NBEA: variants seen among roughly 807,000 people sequenced by gnomAD.
The protein encoded by NBEA is neurobeachin, also known as lysosomal-trafficking regulator 2.
NBEA carries 44 observed loss-of-function variants against 343.4 expected under a neutral mutation model. The ratio of observed to expected loss-of-function variants is 0.13; its 90% CI spans 0.10 to 0.16. The LOEUF (loss-of-function observed/expected upper bound fraction) is 0.16. Among genes scored for constraint, NBEA ranks in the 10% least tolerant of loss-of-function variants. NBEA has a pLI of 1.00. For synonymous variants in NBEA, 1,175 were observed against 1,238.7 expected, an observed-to-expected ratio of 0.95 and a Z score of 1.08; for missense variants, 2,555 against 3,631.3, an observed-to-expected ratio of 0.70 and a Z score of 7.62.
Position 35,354,596 on chromosome 13 carries a change from A to G in NBEA, c.6179+2273A>G, listed in dbSNP as rs1209499539. 2.0e-4 allele frequency among the ~76,000 whole-genome samples: 30 copies of G among 151,404 alleles called. No homozygotes were observed. The Admixed American group carries it at 2.0e-3, about 10-fold the overall frequency. Reference sequence around the variant, plus strand: ...CCTTGCACATTAGTTTCTACTGCCAACTATCTGAAAAAAAAACCACAATAT... The same window carrying G: ...CCTTGCACATTAGTTTCTACTGCCAGCTATCTGAAAAAAAAACCACAATAT... On this transcript the variant is annotated intron_variant, in intron 38 of 58. Coordinates refer to ENST00000379939, the MANE Select transcript of NBEA (RefSeq NM_001385012.1).
At chr13:35,611,220 G>A (rs1593362784) in intron 48 of NBEA, among the ~76,000 whole-genome samples, 1 of 152,032 alleles carries the variant, frequency 6.6e-6, no homozygotes, top group Non-Finnish European at 1.5e-5. Context: ...ACTTATACAA[G>A]TACATCAATG....
rs1594807520 is a variant in NBEA, at chr13:35,496,654, TAGAAA to T, written c.6585+24130_6585+24134del. Among the ~76,000 whole-genome samples, 12 of 144,382 alleles carry T rather than the reference TAGAAA, an allele frequency of 8.3e-5. No homozygotes were observed. The East Asian group carries it at 2.1e-3, about 25-fold the overall frequency. The allele number at this position is 144,382 out of a possible 152,430, so 94.7% of individuals were successfully genotyped here. ...GTCAAAAAAAAAAAAAAAAAAAGAA[TAGAAA>T]AGAAAAGAAAAAGAAAAGTCAAACA... On this transcript the variant is annotated intron_variant, in intron 41 of 58. Coordinates refer to ENST00000379939, the MANE Select transcript of NBEA (RefSeq NM_001385012.1).
At chr13:35,616,329 A>G (rs1566413974) in intron 48 of NBEA, among the ~76,000 whole-genome samples, 1 of 152,206 alleles carries the variant, frequency 6.6e-6, no homozygotes, top group Non-Finnish European at 1.5e-5. Flanking sequence ...CTACTGCAAT[A>G]TATATTCCAA....
intron 7 of NBEA, among the ~76,000 whole-genome samples, chr13:35,057,926 T>G (rs1281162653): frequency 6.6e-6 from 1 of 152,188 alleles, no homozygotes; most frequent in Non-Finnish European, 1.5e-5. Context: ...ACAATTTTTT[T>G]TGTTACTTTA....
At chr13:35,418,389 G>A (rs2044070586) in intron 38 of NBEA, among the ~76,000 whole-genome samples, 1 of 151,996 alleles carries the variant, frequency 6.6e-6, no homozygotes, top group African/African-American at 2.4e-5. Context: ...AGTGATGCAG[G>A]AGGAGTTTAG....
intron 38 of NBEA, among the ~76,000 whole-genome samples, chr13:35,357,243 A>G (rs1294177267): frequency 6.6e-6 from 1 of 152,056 alleles, no homozygotes; most frequent in Non-Finnish European, 1.5e-5. Context: ...TACTAGCTGT[A>G]TGACTTGTAA....
intron 10 of NBEA, among the ~76,000 whole-genome samples, chr13:35,075,360 T>C (rs1056571226): frequency 5.5e-4 from 84 of 152,284 alleles, no homozygotes; most frequent in African/African-American, 2.0e-3. Context: ...ATTGGTTAGA[T>C]GCAACTTTTT....
intron 44 of NBEA, among the ~76,000 whole-genome samples, chr13:35,555,351 G>A (rs1159652305): frequency 1.3e-5 from 2 of 152,012 alleles, no homozygotes; most frequent in African/African-American, 4.8e-5. Context: ...TTGTCTGAAG[G>A]TTTATTAGAG....
At chr13:35,304,690 T>C (rs2036778522) in intron 35 of NBEA, among the ~76,000 whole-genome samples, 1 of 152,144 alleles carries the variant, frequency 6.6e-6, no homozygotes, top group Admixed American at 6.6e-5. Context: ...TACAAGTCTC[T>C]CCTGATTCAT....
chr13:35,416,456 A>G (rs1051100481), intron 38 of NBEA, among the ~76,000 whole-genome samples: 11 of 151,948 alleles, frequency 7.2e-5, no homozygotes, highest in African/African-American at 4.8e-5. Context: ...TAGCTGTTGA[A>G]TTTTGTCAAA....
At chr13:35,176,113 G>A (rs2070880392) in intron 27 of NBEA, among the ~76,000 whole-genome samples, 1 of 152,060 alleles carries the variant, frequency 6.6e-6, no homozygotes, top group Non-Finnish European at 1.5e-5. Context: ...CATATAGCCA[G>A]AAGTTTTGGA....
At chr13:35,515,400 A>G (rs981386) in intron 41 of NBEA, among the ~76,000 whole-genome samples, 129,061 of 152,190 alleles carry the variant, frequency 0.85, 54,940 homozygotes, top group Admixed American at 0.88. Context: ...CTCCCTTTTT[A>G]TCAAAATACA....
In NBEA at chr13:35,409,232, A is replaced by G. The variant is rs114431534; in HGVS notation, c.6180-23037A>G. On this transcript the variant is annotated intron_variant, in intron 38 of 58. Coordinates refer to ENST00000379939, the MANE Select transcript of NBEA (RefSeq NM_001385012.1). ...AGCTGGAGGCCATTATCCTAAGCAAACTAACAGGCACACAAAATGAAACAC... is the reference window on the plus strand; with the variant it reads ...AGCTGGAGGCCATTATCCTAAGCAAGCTAACAGGCACACAAAATGAAACAC... Among the ~76,000 whole-genome samples the G allele has an allele frequency of 7.9e-3, 1,201 of 152,228 alleles. 19 individuals carry two copies. Among genetic ancestry groups the G allele is most frequent in the African/African-American group, 0.028 (1,144 of 41,544 alleles).
chr13:35,099,635 CATT>C (rs1434791634), intron 11 of NBEA, among the ~76,000 whole-genome samples: 1 of 151,978 alleles, frequency 6.6e-6, no homozygotes, highest in African/African-American at 2.4e-5. Context: ...GTAATAGAAA[CATT>C]ATTTTGTGCT....
intron 1 of NBEA, among the ~76,000 whole-genome samples, chr13:34,957,737 C>T (rs1481549240): frequency 1.3e-5 from 2 of 152,048 alleles, no homozygotes; most frequent in Non-Finnish European, 2.9e-5. Flanking sequence ...TACGTGTTTT[C>T]GCTACAACCC....
At chr13:34,974,782 A>G (rs1387075036) in intron 1 of NBEA, among the ~76,000 whole-genome samples, 3 of 152,170 alleles carry the variant, frequency 2.0e-5, no homozygotes, top group African/African-American at 7.2e-5. Flanking sequence ...CACAAATGGC[A>G]AGTACTTAAA....
At chr13:35,043,353 T>A (rs1179822838) in intron 2 of NBEA, among the ~76,000 whole-genome samples, 4 of 151,842 alleles carry the variant, frequency 2.6e-5, no homozygotes, top group African/African-American at 4.8e-5. Context: ...CTGAAAAAAT[T>A]TAAACGTTGC....
In NBEA at chr13:35,173,551, C is replaced by T. The variant is rs548538561; in HGVS notation, c.4511C>T (p.Pro1504Leu). Residue 1504 changes from proline to leucine, a missense_variant, in exon 27 of 59, where the codon CCT (proline) becomes CTT (leucine). Around this residue, in one of 21 missense-constraint regions of NBEA, gnomAD observed 168 missense variants for 193.0 expected, o/e 0.87. Coordinates refer to ENST00000379939, the MANE Select transcript of NBEA (RefSeq NM_001385012.1). ...GNKSSHGSSK[P>L]QEVPQSVTAT... ...AAATCTTCCCATGGAAGCAGTAAAC[C>T]TCAGGAAGTTCCTCAAAGTGTGACT... The T allele has an allele frequency of 1.9e-4, 308 of 1,611,784 alleles. 7 individuals carry two copies. In the South Asian group the frequency reaches 3.1e-3, roughly 16 times the overall value.
At chr13:35,213,100 CT>C (rs1304475313) in intron 33 of NBEA, among the ~76,000 whole-genome samples, 1 of 151,956 alleles carries the variant, frequency 6.6e-6, no homozygotes, top group East Asian at 1.9e-4. Flanking sequence ...GTCTTGCCTT[CT>C]GGCTGCTTTA....
Sources: allele counts gnomAD v4.1 joint callset (sites outside exome capture counted in the v4.1 genomes callset), GRCh38; gene constraint gnomAD v4.1.1; regional missense constraint gnomAD v4.1.1; transcripts MANE v1.5; gene names NCBI Gene and HGNC (gene_info 2026-07-23, HGNC 2026-07-21).